ZBTB20: variants seen among roughly 807,000 people sequenced by gnomAD.
ZBTB20 encodes zinc finger and BTB domain containing 20.
A neutral mutation model predicts 56.9 loss-of-function variants in ZBTB20; 9 were observed. The ratio of observed to expected loss-of-function variants is 0.16; its 90% CI spans 0.10 to 0.28. The LOEUF (loss-of-function observed/expected upper bound fraction) is 0.28. ZBTB20 is among the 10% of genes least tolerant of loss of function. ZBTB20 has a pLI of 1.00. For synonymous variants in ZBTB20, 417 were observed against 420.7 expected (o/e 0.99, Z 0.11); for missense variants, 655 against 1,003.0 (o/e 0.65, Z 4.69).
At chr3:114,822,923 G>A (rs1165377623) in intron 4 of ZBTB20, among the ~76,000 whole-genome samples, 1 of 152,052 alleles carries the variant, frequency 6.6e-6, no homozygotes, top group East Asian at 1.9e-4. Context: ...GAATCAAGAT[G>A]AGATCCTATT....
intron 7 of ZBTB20, among the ~76,000 whole-genome samples, chr3:114,459,593 A>G (rs2092228809): frequency 6.6e-6 from 1 of 152,106 alleles, no homozygotes. Flanking sequence ...GATCTCCCAG[A>G]AAAGCTGGAA....
At chr3:114,433,856 G>C (rs532672395) in intron 7 of ZBTB20, among the ~76,000 whole-genome samples, 8 of 152,224 alleles carry the variant, frequency 5.3e-5, no homozygotes, top group African/African-American at 1.9e-4. Context: ...ATGACTCAAT[G>C]CACAGAAAGG....
In ZBTB20 at chr3:115,022,660, T is replaced by G. The variant is rs72960387; in HGVS notation, c.-506-48244A>C. Among the ~76,000 whole-genome samples, 894 of 151,046 alleles carry G rather than the reference T, an allele frequency of 5.9e-3. 12 individuals are homozygous for G. Among genetic ancestry groups the G allele is most frequent in the African/African-American group, 0.021 (865 of 41,388 alleles). On this transcript the variant is annotated intron_variant, in intron 2 of 11. Transcript: ENST00000675478. The stretch of plus-strand genomic sequence containing the variant: ...ATTTGTTGTCCTTTGCCTCCTCTAC[T>G]CCCTTCAAACTAATCTTTCTAAGGC...
chr3:114,915,811 AT>A (rs1378290558), intron 3 of ZBTB20, among the ~76,000 whole-genome samples: 1 of 151,946 alleles, frequency 6.6e-6, no homozygotes, highest in African/African-American at 2.4e-5. Flanking sequence ...TAATTTCTTC[AT>A]TGACCAACTG....
intron 5 of ZBTB20, among the ~76,000 whole-genome samples, chr3:114,766,052 G>C (rs559402767): frequency 6.6e-6 from 1 of 152,072 alleles, no homozygotes; most frequent in Non-Finnish European, 1.5e-5. Flanking sequence ...GAGAAGTTCT[G>C]GGTAAAGAAG....
chr3:114,457,813 G>GT (rs1483028507), intron 7 of ZBTB20, among the ~76,000 whole-genome samples: 1 of 152,128 alleles, frequency 6.6e-6, no homozygotes, highest in African/African-American at 2.4e-5. Context: ...CAAGTGAGGA[G>GT]CTGGGAATTA....
chr3:115,024,639 A>T (rs551351488), intron 2 of ZBTB20, among the ~76,000 whole-genome samples: 4 of 151,098 alleles, frequency 2.6e-5, no homozygotes, highest in Non-Finnish European at 4.5e-5. Flanking sequence ...TTAACAAGTC[A>T]GTCCATTTGA....
intron 5 of ZBTB20, among the ~76,000 whole-genome samples, chr3:114,695,904 G>A (rs531904568): frequency 8.8e-4 from 134 of 152,050 alleles, no homozygotes; most frequent in Middle Eastern, 3.4e-3. Flanking sequence ...TTAGAGACTA[G>A]AATATTCTGA....
chr3:114,844,860 C>CTTTTTTTTTTTTTTT (rs11396350), intron 4 of ZBTB20, among the ~76,000 whole-genome samples: 2 of 130,424 alleles, frequency 1.5e-5, no homozygotes, highest in African/African-American at 2.9e-5. Flanking sequence ...TTTTCTTTTT[C>CTTTTTTTTTTTTTTT]TTTTTTTTTT....
At chr3:114,558,980 C>T (rs1051453998) in intron 6 of ZBTB20, among the ~76,000 whole-genome samples, 1 of 152,256 alleles carries the variant, frequency 6.6e-6, no homozygotes, top group South Asian at 2.1e-4. Context: ...CAAATGCCAT[C>T]TCCTTACATG....
intron 1 of ZBTB20, among the ~76,000 whole-genome samples, chr3:115,146,077 A>G (rs2084957583): frequency 6.6e-6 from 1 of 152,176 alleles, no homozygotes; most frequent in Non-Finnish European, 1.5e-5. Context: ...GGTTTGGCCA[A>G]TGCTGATTCT....
chr3:114,879,215 G>A (rs1003970232), intron 4 of ZBTB20, among the ~76,000 whole-genome samples: 1 of 152,170 alleles, frequency 6.6e-6, no homozygotes, highest in African/African-American at 2.4e-5. Context: ...GGAACCTTTA[G>A]CAGCCAAACA....
Position 114,929,704 on chromosome 3 carries a change from T to C in ZBTB20, c.-455-29362A>G, listed in dbSNP as rs574335935. Among the ~76,000 whole-genome samples the C allele has an allele frequency of 5.9e-5, 9 of 152,364 alleles. No individual in the cohort carries two copies. In the South Asian group the frequency reaches 6.2e-4, roughly 11 times the overall value. ...GTTCATATGTGCAAACTGAGTTGCA[T>C]GCTTTCTAAATCGTTTTATTTAATT... On this transcript the variant is annotated intron_variant, in intron 3 of 11. Coordinates refer to ENST00000675478, the MANE Select transcript of ZBTB20 (RefSeq NM_001348800.3).
intron 5 of ZBTB20, among the ~76,000 whole-genome samples, chr3:114,706,360 A>G (rs2063716791): frequency 6.6e-6 from 1 of 152,200 alleles, no homozygotes; most frequent in South Asian, 2.1e-4. Context: ...AATGATACAT[A>G]AATCTGCTGG....
chr3:114,903,972 T>C (rs2075226516), intron 3 of ZBTB20, among the ~76,000 whole-genome samples: 1 of 152,056 alleles, frequency 6.6e-6, no homozygotes, highest in African/African-American at 2.4e-5. Context: ...TTATTTGTGT[T>C]TTGATTTAAA....
At chr3:114,600,667 T>C (rs2056690983) in intron 6 of ZBTB20, among the ~76,000 whole-genome samples, 1 of 152,024 alleles carries the variant, frequency 6.6e-6, no homozygotes, top group Non-Finnish European at 1.5e-5. Context: ...TGAAAGGCTC[T>C]GAGTTAGAAA....
At chr3:114,345,437 C>T (rs2080111280) in intron 11 of ZBTB20, among the ~76,000 whole-genome samples, 2 of 152,152 alleles carry the variant, frequency 1.3e-5, no homozygotes, top group South Asian at 4.1e-4. Context: ...CTCAACTTAC[C>T]TCATATGTGA....
At chr3:114,480,427 A>T (rs1290233880) in intron 7 of ZBTB20, among the ~76,000 whole-genome samples, 1 of 152,240 alleles carries the variant, frequency 6.6e-6, no homozygotes, top group Non-Finnish European at 1.5e-5. Context: ...TTTTGAAATA[A>T]GGAGGTCACA....
chr3:114,758,545 C>A (rs751236434), intron 5 of ZBTB20, among the ~76,000 whole-genome samples: 1 of 152,086 alleles, frequency 6.6e-6, no homozygotes, highest in Non-Finnish European at 1.5e-5. Context: ...TATGACGTGT[C>A]ATAATCAACA....
Sources: allele counts gnomAD v4.1 joint callset (sites outside exome capture counted in the v4.1 genomes callset), GRCh38; gene constraint gnomAD v4.1.1; transcripts MANE v1.5; gene names NCBI Gene and HGNC (gene_info 2026-07-23, HGNC 2026-07-21).